The following PLEKHH1 variants were observed in gnomAD, a reference collection of about 807,000 sequenced individuals.
PLEKHH1 encodes the protein pleckstrin homology, MyTH4 and FERM domain containing H1, also known as pleckstrin homology domain-containing family H member 1.
In PLEKHH1, 104 loss-of-function variants were observed where a neutral mutation model predicts 160.0. The observed-to-expected ratio is 0.65, with a 90% confidence interval of 0.55 to 0.76. PLEKHH1 has a LOEUF of 0.76. PLEKHH1 is among the 30% of genes least tolerant of loss of function. The pLI, the probability that PLEKHH1 is intolerant of heterozygous loss-of-function variation, is 0.00. For missense variants in PLEKHH1, 1,427 were observed against 1,724.1 expected, an observed-to-expected ratio of 0.83 and a Z score of 3.05; for synonymous variants, 619 against 678.4, an observed-to-expected ratio of 0.91 and a Z score of 1.36.
At position 67,577,282 on chromosome 14, in the gene PLEKHH1, T is replaced by C. The variant is rs758653538; in HGVS notation, c.2462-20T>C. The C allele has an allele frequency of 9.9e-6, 15 of 1,520,896 alleles. No homozygotes were observed. Among genetic ancestry groups the C allele is most frequent in the Non-Finnish European group, 1.3e-5 (15 of 1,119,954 alleles). The allele number at this position is 1,520,896 out of a possible 1,614,324, so 94.2% of individuals were successfully genotyped here. A position where few individuals can be genotyped will look rare whatever the true frequency, so the allele number is the denominator to read the frequency against. On this transcript the variant is annotated intron_variant, in intron 17 of 28. Transcript: ENST00000329153. ...CTCAGTAGTAACTGCCCTTGCTCTC[T>C]GGTTCCGTGCTTTGGGCAGATTCGC... is the stretch of plus-strand genomic sequence containing the variant.
chr14:67,574,289 C>T lies in PLEKHH1; in HGVS notation c.1974C>T (p.Ser658=), dbSNP rs766757133. 6.6e-5 allele frequency: 106 copies of T among 1,608,538 alleles called. No homozygotes were observed. The highest frequency in any genetic ancestry group is 8.8e-5 in the Non-Finnish European group (104 of 1,177,480). Reference sequence around the variant, plus strand: ...ACTACCTGACGGCCGATTCACCCAGCCTGCTGGAGGAGTGGATCCGAGTAC... The same window carrying T: ...ACTACCTGACGGCCGATTCACCCAGTCTGCTGGAGGAGTGGATCCGAGTAC... ...KTYYLTADSP[S]LLEEWIRVLQ... Residue 658 remains serine, a synonymous_variant, in exon 14 of 29, where the codon AGC becomes AGT. Coordinates refer to ENST00000329153, the MANE Select transcript of PLEKHH1 (RefSeq NM_020715.3). This position sits in a 1 kb window ranked among gnomAD's most constrained non-coding sequence, Gnocchi z 4.2.
At chr14:67,583,950 G>A (rs770097550) in intron 25 of PLEKHH1, 45 bp from the exon 26 acceptor site, 55 of 1,612,552 alleles carry the variant, frequency 3.4e-5, no homozygotes, top group East Asian at 4.5e-5. Flanking sequence ...ATGAAGACAC[G>A]TCGGCACTTC....
At chr14:67,561,166 CAG>C (rs1391734613) in intron 5 of PLEKHH1, among the ~76,000 whole-genome samples, 1 of 152,182 alleles carries the variant, frequency 6.6e-6, no homozygotes, top group East Asian at 1.9e-4. Context: ...TTCTTGGAGA[CAG>C]AACTGATGCC....
In PLEKHH1 at chr14:67,541,894, G is replaced by A. The variant is rs1263200593; in HGVS notation, c.27G>A (p.Pro9=). The change falls in exon 2 of 29, where the codon CCG becomes CCA. Residue 9 remains proline, a synonymous_variant. Transcript: ENST00000329153. The stretch of plus-strand genomic sequence containing the variant: ...TGGCAGAACTCAAGGTGGAGGCGCC[G>A]GCCAGCGTAGACTGGCAGAAACGCT... MAELKVEA[P]ASVDWQKRCL... is the part of the protein sequence containing the mutation. 5.6e-6 allele frequency: 9 copies of A among 1,602,542 alleles called. No homozygotes were observed. The highest frequency in any genetic ancestry group is 2.3e-5 in the East Asian group (1 of 44,418).
chr14:67,560,558 A>C (rs182674132), intron 5 of PLEKHH1, among the ~76,000 whole-genome samples: 3 of 152,200 alleles, frequency 2.0e-5, no homozygotes, highest in African/African-American at 7.2e-5. Flanking sequence ...GGTAACCTCT[A>C]TTCCACCTTC....
chr14:67,560,320 C>A (rs2034780439), intron 5 of PLEKHH1, among the ~76,000 whole-genome samples: 1 of 152,204 alleles, frequency 6.6e-6, no homozygotes, highest in South Asian at 2.1e-4. Context: ...AACCACCGTG[C>A]CCTGCTACTT....
At chr14:67,538,166 A>T (rs1013125172) in intron 1 of PLEKHH1, among the ~76,000 whole-genome samples, 11 of 152,050 alleles carry the variant, frequency 7.2e-5, no homozygotes, top group Admixed American at 1.3e-4. Flanking sequence ...CCCCTCTCTC[A>T]TTTCCCCATT....
chr14:67,566,993 G>T (rs979225203), intron 7 of PLEKHH1, among the ~76,000 whole-genome samples: 1 of 152,142 alleles, frequency 6.6e-6, no homozygotes, highest in African/African-American at 2.4e-5. Flanking sequence ...GAACCTCCCT[G>T]CCCCCAGCTA....
intron 18 of PLEKHH1, among the ~76,000 whole-genome samples, chr14:67,577,821 A>C (rs528090940): frequency 6.6e-6 from 1 of 152,260 alleles, no homozygotes; most frequent in African/African-American, 2.4e-5. Flanking sequence ...AGAACATTTT[A>C]AAAAGGAAAC....
In PLEKHH1 at chr14:67,574,290, C is replaced by T. The variant is rs2035523118; in HGVS notation, c.1975C>T (p.Leu659=). The T allele has an allele frequency of 6.2e-7, 1 of 1,608,884 alleles. No homozygotes were observed. Among genetic ancestry groups the T allele is most frequent in the Non-Finnish European group, 8.5e-7 (1 of 1,177,588 alleles). Residue 659 remains leucine, a synonymous_variant, in exon 14 of 29, where the codon CTG becomes TTG. Coordinates refer to ENST00000329153, the MANE Select transcript of PLEKHH1 (RefSeq NM_020715.3). The surrounding 1 kb of genome is among the most constrained non-coding windows in gnomAD (Gnocchi z 4.2). ...CTACCTGACGGCCGATTCACCCAGC[C>T]TGCTGGAGGAGTGGATCCGAGTACT... ...TYYLTADSPS[L]LEEWIRVLQS...
rs1317988647 is a variant in PLEKHH1 at position 67,562,190 on chromosome 14, G to A, written c.559G>A (p.Glu187Lys). Residue 187 changes from glutamate to lysine, a missense_variant, in exon 7 of 29, where the codon GAG (glutamate) becomes AAG (lysine). Glu to Lys is a moderately conservative substitution (Grantham distance 56). Around this residue, in one of 6 missense-constraint regions of PLEKHH1, gnomAD observed 831 missense variants for 929.2 expected, o/e 0.89. Coordinates refer to ENST00000329153, the MANE Select transcript of PLEKHH1 (RefSeq NM_020715.3). ...KLLVPPYGAA[E>K]QDSVPSEPGI... ...GCTGGTGCCCCCCTACGGAGCTGCA[G>A]AGCAGGATTCTGTCCCTTCAGAGCC... The A allele has an allele frequency of 6.2e-7, 1 of 1,611,718 alleles. No individual in the cohort carries two copies. The highest frequency in any genetic ancestry group is 8.5e-7 in the Non-Finnish European group (1 of 1,178,840).
chr14:67,579,621 C>T lies in PLEKHH1; in HGVS notation c.3028-100C>T, dbSNP rs1007464927. ...ACTTGCTTTGGCCTTTTGTATTTGC[C>T]CTTGCTCCTTTCCACCTGCTGTATC... is the stretch of plus-strand genomic sequence containing the variant. On this transcript the variant is annotated intron_variant, in intron 21 of 28. Transcript: ENST00000329153. 1.6e-5 allele frequency: 19 copies of T among 1,198,952 alleles called. No individual in the cohort carries two copies. In the South Asian group the frequency reaches 1.6e-4, roughly 10 times the overall value. 74.3% of individuals were successfully genotyped at this position (1,198,952 alleles called of 1,614,324 possible).
intron 23 of PLEKHH1, among the ~76,000 whole-genome samples, chr14:67,581,274 G>GCA (rs71129838): frequency 0.43 from 63,623 of 147,880 alleles, 13,815 homozygotes; most frequent in East Asian, 0.49. Context: ...GTGTGTATAT[G>GCA]CACACACACA....
chr14:67,586,039 A>G lies in PLEKHH1; in HGVS notation c.3875A>G (p.Asp1292Gly). The G allele has an allele frequency of 6.2e-7, 1 of 1,613,960 alleles. No individual in the cohort carries two copies. Among genetic ancestry groups the G allele is most frequent in the Non-Finnish European group, 8.5e-7 (1 of 1,179,866 alleles). The change falls in exon 28 of 29, where the codon GAC becomes GGC. Residue 1292 changes from aspartate to glycine, a missense_variant. Transcript: ENST00000329153. ...ATGCTTGTGATTAGATCTATCCCAG[A>G]CAAGAGCTCTGGAAAAAGCCACATT... ...DFMLVIRSIP[D>G]KSSGKSHIEK...
chr14:67,555,955 A>G, intron 3 of PLEKHH1, 68 bp downstream of exon 3: 2 of 1,579,858 alleles, frequency 1.3e-6, no homozygotes, highest in Non-Finnish European at 1.7e-6. Context: ...GGCCCTTCCC[A>G]CGGACACAGG....
chr14:67,580,787 G>C (rs1199015218), intron 22 of PLEKHH1, 151 bp from the exon 23 acceptor site: 134 of 593,380 alleles, frequency 2.3e-4, no homozygotes, highest in Non-Finnish European at 7.6e-5. Context: ...TTGGGTCCAG[G>C]AAGCATGAAG....
chr14:67,570,221 G>T, intron 9 of PLEKHH1: 1 of 384,366 alleles, frequency 2.6e-6, no homozygotes, highest in Non-Finnish European at 3.6e-6. Flanking sequence ...CAGTATGAAC[G>T]TGGACAAGGT....
intron 1 of PLEKHH1, among the ~76,000 whole-genome samples, chr14:67,538,574 C>T (rs1159335479): frequency 6.6e-6 from 1 of 152,128 alleles, no homozygotes; most frequent in Non-Finnish European, 1.5e-5. Flanking sequence ...TTCCTTTAAC[C>T]TCCCTTATTT....
intron 2 of PLEKHH1, among the ~76,000 whole-genome samples, chr14:67,542,330 G>A (rs879516896): frequency 6.6e-6 from 1 of 152,094 alleles, no homozygotes. Flanking sequence ...GGTGTTTCGG[G>A]AGAAAACAGA....
Sources: allele counts gnomAD v4.1 joint callset (sites outside exome capture counted in the v4.1 genomes callset), GRCh38; gene constraint gnomAD v4.1.1; regional missense constraint gnomAD v4.1.1; non-coding constraint Gnocchi (gnomAD v3.1); transcripts MANE v1.5; gene names NCBI Gene and HGNC (gene_info 2026-07-23, HGNC 2026-07-21).